Variants in NALF1 observed in about 807,000 individuals in gnomAD.
NALF1 encodes the protein NALCN channel auxiliary factor 1.
A neutral mutation model predicts 48.4 loss-of-function variants in NALF1; 3 were observed. The ratio of observed to expected loss-of-function variants is 0.06; its 90% confidence interval spans 0.03 to 0.16. NALF1 has a LOEUF of 0.16. NALF1 is among the 10% of genes least tolerant of loss of function. The pLI is 1.00. For missense variants in NALF1, 526 were observed against 571.5 expected (o/e 0.92, Z 0.81); for synonymous variants, 262 against 245.7 (o/e 1.07, Z -0.62).
chr13:107,703,244 A>C (rs1881867417), intron 1 of NALF1, among the ~76,000 whole-genome samples: 1 of 152,132 alleles, frequency 6.6e-6, no homozygotes, highest in Non-Finnish European at 1.5e-5. Flanking sequence ...TAATTACCTT[A>C]TACATTTTCT....
intron 1 of NALF1, among the ~76,000 whole-genome samples, chr13:107,528,004 A>G (rs894420949): frequency 5.3e-5 from 8 of 152,202 alleles, no homozygotes; most frequent in African/African-American, 1.9e-4. Flanking sequence ...CTACAAAGTA[A>G]TATAAACATA....
intron 1 of NALF1, among the ~76,000 whole-genome samples, chr13:107,247,871 C>A (rs542489417): frequency 6.6e-6 from 1 of 152,246 alleles, no homozygotes; most frequent in Admixed American, 6.5e-5. Flanking sequence ...TAGAAACGAG[C>A]TGAATATAAA....
At chr13:107,193,969 A>G (rs1034258891) in intron 2 of NALF1, among the ~76,000 whole-genome samples, 9 of 152,104 alleles carry the variant, frequency 5.9e-5, no homozygotes, top group Non-Finnish European at 1.2e-4. Context: ...TCTACCACCA[A>G]TACATCTTTA....
chr13:107,363,453 T>A (rs1883100440), intron 1 of NALF1, among the ~76,000 whole-genome samples: 1 of 152,038 alleles, frequency 6.6e-6, no homozygotes, highest in Non-Finnish European at 1.5e-5. Flanking sequence ...AAAAAGATTA[T>A]TGGGGCATGG....
At chr13:107,182,055 C>A (rs1385670231) in intron 2 of NALF1, among the ~76,000 whole-genome samples, 6 of 152,074 alleles carry the variant, frequency 3.9e-5, no homozygotes, top group Non-Finnish European at 7.4e-5. Flanking sequence ...AAGAGTTTCA[C>A]AATGATTGAA....
At chr13:107,767,621 A>G (rs1392916856) in intron 1 of NALF1, among the ~76,000 whole-genome samples, 1 of 152,206 alleles carries the variant, frequency 6.6e-6, no homozygotes, top group East Asian at 1.9e-4. Flanking sequence ...ATGTGCTTTC[A>G]TGGGATAGTA....
chr13:107,440,502 A>C (rs1370107728), intron 1 of NALF1, among the ~76,000 whole-genome samples: 1 of 152,194 alleles, frequency 6.6e-6, no homozygotes, highest in Non-Finnish European at 1.5e-5. Flanking sequence ...AAGCAGCAGA[A>C]GACATTTTTT....
chr13:107,376,502 C>G (rs2138969688), intron 1 of NALF1, among the ~76,000 whole-genome samples: 1 of 152,266 alleles, frequency 6.6e-6, no homozygotes, highest in Admixed American at 6.5e-5. Context: ...GCTGAATAAA[C>G]TCAATGAGTA....
intron 1 of NALF1, among the ~76,000 whole-genome samples, chr13:107,400,102 CAT>C (rs1451445587): frequency 6.6e-6 from 1 of 152,028 alleles, no homozygotes; most frequent in African/African-American, 2.4e-5. Context: ...AGAACTGTAC[CAT>C]ATGTCTCATG....
chr13:107,182,464 G>T (rs957337647), intron 2 of NALF1, among the ~76,000 whole-genome samples: 1 of 151,992 alleles, frequency 6.6e-6, no homozygotes, highest in South Asian at 2.1e-4. Context: ...TGTAGAAGTG[G>T]GGTCTACGTT....
chr13:107,774,909 G>T (rs935945137), intron 1 of NALF1, among the ~76,000 whole-genome samples: 1 of 152,074 alleles, frequency 6.6e-6, no homozygotes, highest in Admixed American at 6.5e-5. Flanking sequence ...TTATGCACAT[G>T]TGTCTTAGAG....
At chr13:107,706,915 A>ATTTTTTTTTT (rs1294681174) in intron 1 of NALF1, among the ~76,000 whole-genome samples, 1 of 97,818 alleles carries the variant, frequency 1.0e-5, no homozygotes, top group African/African-American at 4.0e-5. Context: ...AATCAAGGGC[A>ATTTTTTTTTT]TTCTTTTTTT....
chr13:107,826,119 C>CT (rs146932814), intron 1 of NALF1, among the ~76,000 whole-genome samples: 10,957 of 152,280 alleles, frequency 0.072, 491 homozygotes, highest in East Asian at 0.2. Context: ...AACTATCCAG[C>CT]TGATGGTCTT....
intron 1 of NALF1, among the ~76,000 whole-genome samples, chr13:107,381,073 C>T (rs987774523): frequency 1.0e-4 from 15 of 146,668 alleles, no homozygotes; most frequent in African/African-American, 3.0e-4. Context: ...TTCATATATA[C>T]ATGACATAAT....
At chr13:107,353,483 GCTGT>G (rs754278117) in intron 1 of NALF1, among the ~76,000 whole-genome samples, 19 of 152,160 alleles carry the variant, frequency 1.2e-4, no homozygotes, top group African/African-American at 1.9e-4. Context: ...CTAGTCAAAA[GCTGT>G]CTGTTTGTTT....
intron 1 of NALF1, among the ~76,000 whole-genome samples, chr13:107,236,268 G>A (rs1463758163): frequency 6.6e-6 from 1 of 152,136 alleles, no homozygotes; most frequent in African/African-American, 2.4e-5. Flanking sequence ...CTTACTGGAT[G>A]GGGATAAAGG....
intron 1 of NALF1, among the ~76,000 whole-genome samples, chr13:107,559,850 A>G (rs1274813407): frequency 6.6e-6 from 1 of 152,224 alleles, no homozygotes; most frequent in South Asian, 2.1e-4. Flanking sequence ...CAGAATTTTT[A>G]TCCTAGGAAA....
At chr13:107,595,526 C>A (rs1394698008) in intron 1 of NALF1, among the ~76,000 whole-genome samples, 1 of 152,152 alleles carries the variant, frequency 6.6e-6, no homozygotes, top group Non-Finnish European at 1.5e-5. Flanking sequence ...TGCTTCATTT[C>A]ATAACAAGCC....
chr13:107,403,422 C>T (rs1449191642), intron 1 of NALF1, among the ~76,000 whole-genome samples: 2 of 151,596 alleles, frequency 1.3e-5, no homozygotes, highest in African/African-American at 4.8e-5. Context: ...AGCTATTCTG[C>T]ACACTGATCA....
Sources: gnomAD v4.1 joint callset for allele counts (sites outside exome capture counted in the v4.1 genomes callset) on GRCh38, gnomAD v4.1.1 for gene constraint, MANE v1.5 for transcripts, NCBI Gene and HGNC (gene_info 2026-07-23, HGNC 2026-07-21) for gene names.